VTN: variants seen among roughly 807,000 people sequenced by gnomAD.
VTN encodes complement S-protein.
VTN carries 45 observed loss-of-function variants against 55.9 expected under a neutral mutation model. The ratio of observed to expected loss-of-function variants is 0.80; its 90% CI spans 0.63 to 1.03. The LOEUF (loss-of-function observed/expected upper bound fraction) is 1.03. VTN is among the 50% of genes least tolerant of loss of function. The pLI is 0.00. For missense variants in VTN, 589 were observed against 638.2 expected, an observed-to-expected ratio of 0.92 and a Z score of 0.83; for synonymous variants, 238 against 242.3, an observed-to-expected ratio of 0.98 and a Z score of 0.17.
rs551689633 is a variant in VTN at position 28,369,206 on chromosome 17, T to A, written c.669+83A>T. On this transcript the variant is annotated intron_variant, in intron 4 of 7. Transcript: ENST00000226218. The surrounding 1 kb of genome is among the most constrained non-coding windows in gnomAD (Gnocchi z 5.3). ...GGTCCTGCAGGGCCCTGGGTCCAGC[T>A]TCCCTGTCCACCCTGTCCCTGGGAG... 2.4e-5 allele frequency: 37 copies of A among 1,517,004 alleles called. No homozygotes were observed. The African/African-American group carries it at 2.5e-4, about 10-fold the overall frequency. The allele number at this position is 1,517,004 out of a possible 1,614,324, so 94.0% of individuals were successfully genotyped here.
rs782720999 is a variant in VTN, at chr17:28,367,751, A to T, written c.1288T>A (p.Cys430Ser). 6.2e-7 allele frequency: 1 copy of T among 1,613,684 alleles called. No individual in the cohort carries two copies. Among genetic ancestry groups the T allele is most frequent in the African/African-American group, 1.3e-5 (1 of 74,936 alleles). The stretch of plus-strand genomic sequence containing the variant: ...AAGAAGACACTCTGGATGGGTTCAC[A>T]GGTGGCAGGCACAAGCCAGTCCATC... The part of the protein sequence containing the change: ...YRMDWLVPAT[C>S]EPIQSVFFFS... Residue 430 changes from cysteine (C) to serine (S), a missense_variant, in exon 7 of 8, where the codon TGT (cysteine) becomes AGT (serine). Physicochemically the swap from Cys to Ser is moderately radical, Grantham distance 112 (BLOSUM62 -1). This residue lies in a region of VTN where 334 missense variants were observed against 328.2 expected (regional missense o/e 1.02). Transcript: ENST00000226218.
chr17:28,368,695 A>G (rs1555583433), intron 5 of VTN, 22 bp from the exon 6 acceptor site: 1 of 1,611,958 alleles, frequency 6.2e-7, no homozygotes, highest in Non-Finnish European at 8.5e-7. Context: ...GGTGGTGGGC[A>G]TTAGGAGGGC....
rs782409757 is a variant in VTN at position 28,369,013 on chromosome 17, G to A, written c.685C>T (p.Arg229Cys). The change falls in exon 5 of 8, where the codon CGC becomes TGC. Residue 229 changes from arginine to cysteine, a missense_variant. By Grantham distance (180) the Arg-to-Cys change is radical (BLOSUM62 -3). This residue lies in a region of VTN where 38 missense variants were observed against 68.8 expected (regional missense o/e 0.55). Coordinates refer to ENST00000226218, the MANE Select transcript of VTN (RefSeq NM_000638.4). This position sits in a 1 kb window ranked among gnomAD's most constrained non-coding sequence, Gnocchi z 5.3. ...GGGTCCAGGACACCATCCTCAAAGCGCCAGTACTGACTACCCTAAGAGGTG... is the reference window on the plus strand; with the variant it reads ...GGGTCCAGGACACCATCCTCAAAGCACCAGTACTGACTACCCTAAGAGGTG... The part of the protein sequence containing the change: ...TYLFKGSQYW[R>C]FEDGVLDPDY... 44 of 1,592,572 alleles carry A rather than the reference G, an allele frequency of 2.8e-5. No individual in the cohort carries two copies. The highest frequency in any genetic ancestry group is 4.1e-5 in the African/African-American group (3 of 73,198).
Position 28,367,823 on chromosome 17 carries a change from A to G in VTN, c.1216T>C (p.Ser406Pro). 1 of 1,614,190 alleles carries G rather than the reference A, an allele frequency of 6.2e-7. No homozygotes were observed. The highest frequency in any genetic ancestry group is 8.5e-7 in the Non-Finnish European group (1 of 1,180,052). ...PSRATWLSLFSSEESNLGANN... is the reference protein window; with the variant it reads ...PSRATWLSLFPSEESNLGANN... ...GCTCCCAAGTTGCTCTCCTCACTGG[A>G]GAACAAGGACAGCCACGTGGCGCGG... The change falls in exon 7 of 8, where the codon TCC becomes CCC. Residue 406 changes from serine (S) to proline (P), a missense_variant. By Grantham distance (74) the Ser-to-Pro change is moderately conservative (BLOSUM62 -1). Transcript: ENST00000226218.
chr17:28,367,869 G>C lies in VTN; in HGVS notation c.1170C>G (p.Asn390Lys). The change falls in exon 7 of 8, where the codon AAC becomes AAG. Residue 390 changes from asparagine (N) to lysine (K), a missense_variant. Around this residue, in one of 3 missense-constraint regions of VTN, gnomAD observed 334 missense variants for 328.2 expected, o/e 1.02. Transcript: ENST00000226218. ...RSQRGHSRGR[N>K]QNSRRPSRAT... is the part of the protein sequence containing the mutation. Reference sequence around the variant, plus strand: ...CGCGGGATGGCCGGCGGGAGTTCTGGTTGCGGCCACGGCTGTGGCCTCGTT... The same window carrying C: ...CGCGGGATGGCCGGCGGGAGTTCTGCTTGCGGCCACGGCTGTGGCCTCGTT... The C allele has an allele frequency of 1.2e-6, 2 of 1,614,028 alleles. No homozygotes were observed. The highest frequency in any genetic ancestry group is 8.5e-7 in the Non-Finnish European group (1 of 1,179,966).
At position 28,369,131 on chromosome 17, in the gene VTN, C is replaced by T. The variant is rs2067932162; in HGVS notation, c.670-103G>A. Reference sequence around the variant, plus strand: ...GCCGTTCCCAGGTCCAGGTTCACTGCCCAGGACCTGGAGTCTTGGGGCTGC... The same window carrying T: ...GCCGTTCCCAGGTCCAGGTTCACTGTCCAGGACCTGGAGTCTTGGGGCTGC... On this transcript the variant is annotated intron_variant, in intron 4 of 7. Transcript: ENST00000226218. The surrounding 1 kb of genome is among the most constrained non-coding windows in gnomAD (Gnocchi z 5.3). The T allele has an allele frequency of 1.3e-6, 2 of 1,506,016 alleles. No homozygotes were observed. Among genetic ancestry groups the T allele is most frequent in the Admixed American group, 2.3e-5 (1 of 43,664 alleles). 93.3% of individuals were successfully genotyped at this position (1,506,016 alleles called of 1,614,324 possible).
chr17:28,369,978 A>G lies in VTN; in HGVS notation c.133T>C (p.Ser45Pro), dbSNP rs2067939045. Residue 45 changes from serine (S) to proline (P), a missense_variant, in exon 2 of 8, where the codon TCT (serine) becomes CCT (proline). Around this residue, in one of 3 missense-constraint regions of VTN, gnomAD observed 217 missense variants for 241.3 expected, o/e 0.90. Coordinates refer to ENST00000226218, the MANE Select transcript of VTN (RefSeq NM_000638.4). The surrounding 1 kb of genome is among the most constrained non-coding windows in gnomAD (Gnocchi z 5.3). The part of the protein sequence containing the change: ...DKKCQCDELC[S>P]YYQSCCTDYT... Reference sequence around the variant, plus strand: ...TCTGTGCAGCAGCTCTGGTAGTAAGAGCAGAGCTCGTCACACTGGCACTTC... The same window carrying G: ...TCTGTGCAGCAGCTCTGGTAGTAAGGGCAGAGCTCGTCACACTGGCACTTC... 1 of 1,614,064 alleles carries G rather than the reference A, an allele frequency of 6.2e-7. No individual in the cohort carries two copies. The highest frequency in any genetic ancestry group is 8.5e-7 in the Non-Finnish European group (1 of 1,180,016).
Position 28,370,190 on chromosome 17 carries a change from C to T in VTN, c.14G>A (p.Arg5Lys), listed in dbSNP as rs782660100. The T allele has an allele frequency of 1.2e-6, 2 of 1,613,126 alleles. No individual in the cohort carries two copies. Among genetic ancestry groups the T allele is most frequent in the Non-Finnish European group, 1.7e-6 (2 of 1,179,332 alleles). ...CAGCAGGGCCAGTATGAGAAGGGGTCTCAGGGGTGCCATGGCAGGGCTTCT... is the reference window on the plus strand; with the variant it reads ...CAGCAGGGCCAGTATGAGAAGGGGTTTCAGGGGTGCCATGGCAGGGCTTCT... MAPL[R>K]PLLILALLAW... The change falls in exon 1 of 8, where the codon AGA (arginine) becomes AAA (lysine). Residue 5 changes from arginine (R) to lysine (K), a missense_variant. Arg to Lys is a conservative substitution (Grantham distance 26, BLOSUM62 2). This residue lies in a region of VTN where 217 missense variants were observed against 241.3 expected (regional missense o/e 0.90). Coordinates refer to ENST00000226218, the MANE Select transcript of VTN (RefSeq NM_000638.4).
Position 28,368,420 on chromosome 17 carries a change from T to C in VTN, c.979+101A>G, listed in dbSNP as rs1324695119. ...GCCTGAGCAAACAGACTTTGATCGATAGCTCCACAACCACAGCCCCCTCCA... is the reference window on the plus strand; with the variant it reads ...GCCTGAGCAAACAGACTTTGATCGACAGCTCCACAACCACAGCCCCCTCCA... On this transcript the variant is annotated intron_variant, in intron 6 of 7. Transcript: ENST00000226218. The C allele has an allele frequency of 2.0e-6, 3 of 1,496,718 alleles. No individual in the cohort carries two copies. The African/African-American group carries it at 4.1e-5, about 21-fold the overall frequency. The allele number at this position is 1,496,718 out of a possible 1,614,324, so 92.7% of individuals were successfully genotyped here.
chr17:28,369,891 G>A lies in VTN; in HGVS notation c.184+36C>T. On this transcript the variant is annotated intron_variant, in intron 2 of 7. Transcript: ENST00000226218. The surrounding 1 kb of genome is among the most constrained non-coding windows in gnomAD (Gnocchi z 5.3). ...TGGTAGTGAGTCTCCAGCAGCAGGGGGCACCCCAGCCCACCCACCTGGGCT... is the reference window on the plus strand; with the variant it reads ...TGGTAGTGAGTCTCCAGCAGCAGGGAGCACCCCAGCCCACCCACCTGGGCT... 1 of 1,612,430 alleles carries A rather than the reference G, an allele frequency of 6.2e-7. No homozygotes were observed. Among genetic ancestry groups the A allele is most frequent in the Non-Finnish European group, 8.5e-7 (1 of 1,178,780 alleles).
In VTN at chr17:28,369,109, G is replaced by A. The variant is rs1186744467; in HGVS notation, c.670-81C>T. 50 of 1,516,366 alleles carry A rather than the reference G, an allele frequency of 3.3e-5. No individual in the cohort carries two copies. The highest frequency in any genetic ancestry group is 2.7e-4 in the South Asian group (20 of 74,748). 93.9% of individuals were successfully genotyped at this position (1,516,366 alleles called of 1,614,324 possible). On this transcript the variant is annotated intron_variant, in intron 4 of 7. Coordinates refer to ENST00000226218, the MANE Select transcript of VTN (RefSeq NM_000638.4). The surrounding 1 kb of genome is among the most constrained non-coding windows in gnomAD (Gnocchi z 5.3). The stretch of plus-strand genomic sequence containing the variant: ...CAGAGTCCCTTGCCCTAAGGCAGCC[G>A]TTCCCAGGTCCAGGTTCACTGCCCA...
Position 28,368,509 on chromosome 17 carries a change from C to A in VTN, c.979+12G>T, listed in dbSNP as rs781798185. 11 of 1,613,094 alleles carry A rather than the reference C, an allele frequency of 6.8e-6. No individual in the cohort carries two copies. In the African/African-American group the frequency reaches 1.3e-4, roughly 20 times the overall value. The stretch of plus-strand genomic sequence containing the variant: ...TTTTGAGGGAGAAGCAAGACTTGCC[C>A]TCTCTCCATACCAGAGGTTCTGCCC... On this transcript the variant is annotated intron_variant, in intron 6 of 7. Transcript: ENST00000226218.
At position 28,367,893 on chromosome 17, in the gene VTN, T is replaced by A. The variant is rs2067918854; in HGVS notation, c.1146A>T (p.Gln382His). 2.5e-6 allele frequency: 4 copies of A among 1,613,328 alleles called. No individual in the cohort carries two copies. Among genetic ancestry groups the A allele is most frequent in the Admixed American group, 3.3e-5 (2 of 59,840 alleles). Residue 382 changes from glutamine to histidine, a missense_variant, in exon 7 of 8, where the codon CAA becomes CAT. Physicochemically the swap from Gln to His is conservative, Grantham distance 24. Around this residue, in one of 3 missense-constraint regions of VTN, gnomAD observed 334 missense variants for 328.2 expected, o/e 1.02. Transcript: ENST00000226218. ...GGTTGCGGCCACGGCTGTGGCCTCG[T>A]TGTGAACGGTAGCCTTTGCGGTTGC... The part of the protein sequence containing the change: ...RHRNRKGYRS[Q>H]RGHSRGRNQN...
chr17:28,367,337 T>C lies in VTN; in HGVS notation c.*32A>G. 2 of 1,477,940 alleles carry C rather than the reference T, an allele frequency of 1.4e-6. No individual in the cohort carries two copies. The highest frequency in any genetic ancestry group is 2.3e-5 in the East Asian group (1 of 42,734). The allele number at this position is 1,477,940 out of a possible 1,614,324, so 91.6% of individuals were successfully genotyped here. Reference sequence around the variant, plus strand: ...GGGGAAGGAGATGGGAGGAGGGAGCTACAGAGGGCCCGGCCATGTGGGCTC... The same window carrying C: ...GGGGAAGGAGATGGGAGGAGGGAGCCACAGAGGGCCCGGCCATGTGGGCTC... On this transcript the variant is annotated 3_prime_UTR_variant, in exon 8 of 8. Transcript: ENST00000226218.
intron 7 of VTN, 68 bp downstream of exon 7, chr17:28,367,647 C>T: frequency 6.5e-7 from 1 of 1,534,424 alleles, no homozygotes; most frequent in Non-Finnish European, 8.9e-7. Flanking sequence ...TGCGTTCAGC[C>T]CTTGTGCACC....
In VTN at chr17:28,370,263, T is replaced by C; in HGVS notation, c.-60A>G. ...GCTCTGGTCTCCCTGAAGTCTCCGC[T>C]CTGATGCCTGAGGAAGGGAGGGAGA... On this transcript the variant is annotated 5_prime_UTR_variant, in exon 1 of 8. Coordinates refer to ENST00000226218, the MANE Select transcript of VTN (RefSeq NM_000638.4). 2 of 1,549,330 alleles carry C rather than the reference T, an allele frequency of 1.3e-6. 1 individual carries two copies. The highest frequency in any genetic ancestry group is 2.4e-5 in the South Asian group (2 of 83,420).
rs139497113 is a variant in VTN at position 28,367,921 on chromosome 17, T to C, written c.1118A>G (p.His373Arg). 298 of 1,610,642 alleles carry C rather than the reference T, an allele frequency of 1.9e-4. 1 individual carries two copies. The highest frequency in any genetic ancestry group is 4.6e-4 in the Admixed American group (27 of 59,170). Residue 373 changes from histidine (H) to arginine (R), a missense_variant, in exon 7 of 8, where the codon CAT becomes CGT. Physicochemically the swap from His to Arg is conservative, Grantham distance 29. Around this residue, in one of 3 missense-constraint regions of VTN, gnomAD observed 334 missense variants for 328.2 expected, o/e 1.02. Coordinates refer to ENST00000226218, the MANE Select transcript of VTN (RefSeq NM_000638.4). ...TGAACGGTAGCCTTTGCGGTTGCGA[T>C]GCCTAAACCTTTGTTTCTTGGCCAA... ...PSLAKKQRFR[H>R]RNRKGYRSQR...
rs1555583726 is a variant in VTN, at chr17:28,369,877, C to CT, written c.185-27dup. The stretch of plus-strand genomic sequence containing the variant: ...CTGCAGAGAGTGGATGGTAGTGAGT[C>CT]TCCAGCAGCAGGGGGCACCCCAGCC... On this transcript the variant is annotated intron_variant, in intron 2 of 7. Transcript: ENST00000226218. The surrounding 1 kb of genome is among the most constrained non-coding windows in gnomAD (Gnocchi z 5.3). 1 of 1,612,250 alleles carries CT rather than the reference C, an allele frequency of 6.2e-7. No individual in the cohort carries two copies. The highest frequency in any genetic ancestry group is 1.1e-5 in the South Asian group (1 of 91,040).
Position 28,368,692 on chromosome 17 carries a change from G to A in VTN, c.827-19C>T. 6.2e-7 allele frequency: 1 copy of A among 1,611,886 alleles called. No individual in the cohort carries two copies. Among genetic ancestry groups the A allele is most frequent in the Non-Finnish European group, 8.5e-7 (1 of 1,178,616 alleles). Reference sequence around the variant, plus strand: ...TGTTTCCCTGAGGAGCAGGGTGGTGGGCATTAGGAGGGCTGGGCCAGGGCA... The same window carrying A: ...TGTTTCCCTGAGGAGCAGGGTGGTGAGCATTAGGAGGGCTGGGCCAGGGCA... On this transcript the variant is annotated intron_variant, in intron 5 of 7. Transcript: ENST00000226218.
Sources: gnomAD v4.1 joint callset for allele counts on GRCh38, gnomAD v4.1.1 for gene constraint, gnomAD v4.1.1 regional missense constraint, Gnocchi (gnomAD v3.1) non-coding constraint, MANE v1.5 for transcripts, NCBI Gene and HGNC (gene_info 2026-07-23, HGNC 2026-07-21) for gene names.